WEE1: variants seen among roughly 807,000 people sequenced by gnomAD.
WEE1 encodes wee1-like protein kinase.
WEE1 carries 16 observed loss-of-function variants against 68.8 expected under a neutral mutation model. The observed-to-expected ratio is 0.23, with a 90% CI of 0.16 to 0.35. The LOEUF is 0.35. Among genes scored for constraint, WEE1 ranks in the 10% least tolerant of loss-of-function variants. The probability of loss-of-function intolerance (pLI) is 1.00; values close to 1 mark genes in which losing one functional copy is unlikely to be tolerated. For missense variants in WEE1, 651 were observed against 824.1 expected (o/e 0.79, Z 2.57); for synonymous variants, 349 against 318.7 (o/e 1.09, Z -1.01).
intron 10 of WEE1, 96 bp from the exon 11 acceptor site, chr11:9,588,353 T>C: frequency 1.3e-6 from 1 of 761,500 alleles, no homozygotes; most frequent in Non-Finnish European, 1.9e-6. Flanking sequence ...AGAATAATGA[T>C]GGCATGCAAA....
In WEE1 at chr11:9,589,458, T is replaced by C; in HGVS notation, c.*856T>C. 1.0e-6 allele frequency: 1 copy of C among 985,344 alleles called. No individual in the cohort carries two copies. Among genetic ancestry groups the C allele is most frequent in the Non-Finnish European group, 1.2e-6 (1 of 829,836 alleles). The allele number at this position is 985,344 out of a possible 1,614,324, so 61.0% of individuals were successfully genotyped here. ...GTTTTATACTTGATTGTATTATTAG[T>C]CTGTTTTTAAATGTTTTGCCCGGTT... On this transcript the variant is annotated 3_prime_UTR_variant, in exon 11 of 11. Coordinates refer to ENST00000450114, the MANE Select transcript of WEE1 (RefSeq NM_003390.4).
In WEE1 at chr11:9,576,359, T is replaced by TATGTTA. The variant is rs1849565398; in HGVS notation, c.846+69_846+74dup. ...TCTGCCACTTAAAGCATGCTATGAA[T>TATGTTA]ATGTTAATAAGCATTAACACATAAG... is the stretch of plus-strand genomic sequence containing the variant. On this transcript the variant is annotated intron_variant, in intron 3 of 10. Transcript: ENST00000450114. The surrounding 1 kb of genome is among the most constrained non-coding windows in gnomAD (Gnocchi z 4.3). 1.7e-5 allele frequency: 26 copies of TATGTTA among 1,538,658 alleles called. 1 individual carries two copies. The South Asian group carries it at 3.0e-4, about 18-fold the overall frequency.
chr11:9,585,656 T>C (rs931410892), intron 8 of WEE1, 129 bp downstream of exon 8: 10 of 778,208 alleles, frequency 1.3e-5, no homozygotes, highest in East Asian at 9.0e-5. Context: ...AACCGTCATC[T>C]GAGGGCATTT....
chr11:9,578,286 T>C (rs1208115219), intron 5 of WEE1: 1 of 169,134 alleles, frequency 5.9e-6, no homozygotes, highest in African/African-American at 2.4e-5. Context: ...TCATAACTTG[T>C]AAATAAATAA....
At position 9,575,996 on chromosome 11, in the gene WEE1, C is replaced by A. The variant is rs1444262566; in HGVS notation, c.685C>A (p.Gln229Lys). The change falls in exon 2 of 11, where the codon CAG becomes AAG. Residue 229 changes from glutamine to lysine, a missense_variant. By Grantham distance (53) the Gln-to-Lys change is moderately conservative. Around this residue, in one of 5 missense-constraint regions of WEE1, gnomAD observed 395 missense variants for 378.4 expected, o/e 1.04. Coordinates refer to ENST00000450114, the MANE Select transcript of WEE1 (RefSeq NM_003390.4). ...AGGAAAAAGGGAATTTGATGTGCGACAGACTCCTCAAGTGAATATTAATCC... is the reference window on the plus strand; with the variant it reads ...AGGAAAAAGGGAATTTGATGTGCGAAAGACTCCTCAAGTGAATATTAATCC... Reference protein sequence around the residue: ...KSGKREFDVRQTPQVNINPFT... With the variant: ...KSGKREFDVRKTPQVNINPFT... 2.5e-6 allele frequency: 4 copies of A among 1,614,118 alleles called. No individual in the cohort carries two copies. In the South Asian group the frequency reaches 4.4e-5, roughly 18 times the overall value.
chr11:9,587,200 A>T (rs185168862), intron 10 of WEE1, among the ~76,000 whole-genome samples: 1 of 152,192 alleles, frequency 6.6e-6, no homozygotes, highest in Non-Finnish European at 1.5e-5. Flanking sequence ...GGCTCAAACC[A>T]TCCACCTGTC....
Position 9,588,478 on chromosome 11 carries a change from C to T in WEE1, c.1817C>T (p.Ala606Val). 6.2e-7 allele frequency: 1 copy of T among 1,602,524 alleles called. No individual in the cohort carries two copies. The highest frequency in any genetic ancestry group is 8.5e-7 in the Non-Finnish European group (1 of 1,177,152). Residue 606 changes from alanine (A) to valine (V), a missense_variant, in exon 11 of 11, where the codon GCT becomes GTT. By Grantham distance (64) the Ala-to-Val change is moderately conservative. Coordinates refer to ENST00000450114, the MANE Select transcript of WEE1 (RefSeq NM_003390.4). The stretch of plus-strand genomic sequence containing the variant: ...CTCAAGAAAGCACAGATGGCAAAAG[C>T]TGCAGCTGAGGAAAGAGCACTCTTC... The part of the protein sequence containing the change: ...KELKKAQMAK[A>V]AAEERALFTD...
chr11:9,575,716 T>A (rs1175416027), intron 1 of WEE1, 172 bp from the exon 2 acceptor site: 8 of 626,246 alleles, frequency 1.3e-5, no homozygotes, highest in Non-Finnish European at 1.9e-5. Context: ...AATATCCAGC[T>A]TCAGTCTTCC....
Position 9,574,451 on chromosome 11 carries a change from C to T in WEE1, c.518C>T (p.Thr173Ile), listed in dbSNP as rs1849541291. ...RRSPRPDHPGTPPHKTFRKLR... is the reference protein window; with the variant it reads ...RRSPRPDHPGIPPHKTFRKLR... ...TCGCCGCGGCCGGACCACCCGGGCA[C>T]CCCGCCACACAAGACCTTCCGCAAG... is the stretch of plus-strand genomic sequence containing the variant. Residue 173 changes from threonine (T) to isoleucine (I), a missense_variant, in exon 1 of 11, where the codon ACC (threonine) becomes ATC (isoleucine). By Grantham distance (89) the Thr-to-Ile change is moderately conservative. Transcript: ENST00000450114. The surrounding 1 kb of genome is among the most constrained non-coding windows in gnomAD (Gnocchi z 4.9). 1 of 1,240,332 alleles carries T rather than the reference C, an allele frequency of 8.1e-7. No homozygotes were observed. Among genetic ancestry groups the T allele is most frequent in the South Asian group, 3.2e-5 (1 of 31,144 alleles). The allele number at this position is 1,240,332 out of a possible 1,614,324, so 76.8% of individuals were successfully genotyped here.
intron 1 of WEE1, chr11:9,575,626 T>G (rs2134339660): frequency 2.3e-6 from 1 of 441,102 alleles, no homozygotes; most frequent in South Asian, 2.9e-5. Context: ...TAGAATGAAC[T>G]TAGTTTTAGG....
chr11:9,575,864 G>T, intron 1 of WEE1, 24 bp from the exon 2 acceptor site: 2 of 1,608,836 alleles, frequency 1.2e-6, no homozygotes, highest in East Asian at 2.2e-5. Context: ...CCTAAAAATT[G>T]TATTTGTATT....
Position 9,588,744 on chromosome 11 carries a change from G to C in WEE1, c.*142G>C. On this transcript the variant is annotated 3_prime_UTR_variant, in exon 11 of 11. Coordinates refer to ENST00000450114, the MANE Select transcript of WEE1 (RefSeq NM_003390.4). ...AGGACTTTTATTGTGAATTACAGTT[G>C]AAAGCTGTATTTTGATGATTGCTAT... The C allele has an allele frequency of 6.8e-6, 9 of 1,325,816 alleles. No homozygotes were observed. The highest frequency in any genetic ancestry group is 8.7e-6 in the Non-Finnish European group (9 of 1,035,738). The allele number at this position is 1,325,816 out of a possible 1,614,324, so 82.1% of individuals were successfully genotyped here. A position where few individuals can be genotyped will look rare whatever the true frequency, so the allele number is the denominator to read the frequency against.
Position 9,574,663 on chromosome 11 carries a change from G to T in WEE1, c.576+154G>T, listed in dbSNP as rs532993393. 9 of 1,110,348 alleles carry T rather than the reference G, an allele frequency of 8.1e-6. No homozygotes were observed. The African/African-American group carries it at 1.5e-4, about 18-fold the overall frequency. 68.8% of individuals were successfully genotyped at this position (1,110,348 alleles called of 1,614,324 possible). On this transcript the variant is annotated intron_variant, in intron 1 of 10. Coordinates refer to ENST00000450114, the MANE Select transcript of WEE1 (RefSeq NM_003390.4). This position sits in a 1 kb window ranked among gnomAD's most constrained non-coding sequence, Gnocchi z 4.9. ...GTTGGCAGCCCTTGTGTTTGGCCCTGCCCCGAGGTTGTCCGTTGAGATTAT... is the reference window on the plus strand; with the variant it reads ...GTTGGCAGCCCTTGTGTTTGGCCCTTCCCCGAGGTTGTCCGTTGAGATTAT...
intron 10 of WEE1, among the ~76,000 whole-genome samples, chr11:9,587,449 T>C (rs1022332544): frequency 2.6e-5 from 4 of 152,234 alleles, no homozygotes; most frequent in Admixed American, 2.0e-4. Context: ...TAAGCGAGCC[T>C]ATACCAATCT....
Position 9,576,890 on chromosome 11 carries a change from T to C in WEE1, c.1019+231T>C, listed in dbSNP as rs1849569901. Among the ~76,000 whole-genome samples the C allele has an allele frequency of 6.6e-6, 1 of 152,230 alleles. No homozygotes were observed. Among genetic ancestry groups the C allele is most frequent in the Non-Finnish European group, 1.5e-5 (1 of 68,034 alleles). On this transcript the variant is annotated intron_variant, in intron 4 of 10. Coordinates refer to ENST00000450114, the MANE Select transcript of WEE1 (RefSeq NM_003390.4). The surrounding 1 kb of genome is among the most constrained non-coding windows in gnomAD (Gnocchi z 4.3). Reference sequence around the variant, plus strand: ...TTATTTCTAGTCAGCATCCATGAATTCACAGTAAAATGGAGTTTATTCTTA... The same window carrying C: ...TTATTTCTAGTCAGCATCCATGAATCCACAGTAAAATGGAGTTTATTCTTA...
In WEE1 at chr11:9,573,964, C is replaced by T. The variant is rs1240021878; in HGVS notation, c.31C>T (p.Pro11Ser). ...CTTCCTGAGCCGACAGCAGCCGCCGCCACCCCGCCGCGCCGGGGCGGCCTG... is the reference window on the plus strand; with the variant it reads ...CTTCCTGAGCCGACAGCAGCCGCCGTCACCCCGCCGCGCCGGGGCGGCCTG... MSFLSRQQPP[P>S]PRRAGAACTL... Residue 11 changes from proline to serine, a missense_variant, in exon 1 of 11, where the codon CCA (proline) becomes TCA (serine). This residue lies in a region of WEE1 where 395 missense variants were observed against 378.4 expected (regional missense o/e 1.04). Coordinates refer to ENST00000450114, the MANE Select transcript of WEE1 (RefSeq NM_003390.4). 3 of 1,294,782 alleles carry T rather than the reference C, an allele frequency of 2.3e-6. No individual in the cohort carries two copies. The African/African-American group carries it at 4.7e-5, about 20-fold the overall frequency. 80.2% of individuals were successfully genotyped at this position (1,294,782 alleles called of 1,614,324 possible).
At position 9,588,621 on chromosome 11, in the gene WEE1, C is replaced by A; in HGVS notation, c.*19C>A. On this transcript the variant is annotated 3_prime_UTR_variant, in exon 11 of 11. Coordinates refer to ENST00000450114, the MANE Select transcript of WEE1 (RefSeq NM_003390.4). ...ATACTGAGCTACTCCTTTCCCACCT[C>A]CCCCTGAACACTGTGACAAGAGGAA... 6.6e-7 allele frequency: 1 copy of A among 1,514,022 alleles called. No individual in the cohort carries two copies. Among genetic ancestry groups the A allele is most frequent in the Admixed American group, 2.4e-5 (1 of 42,106 alleles). The allele number at this position is 1,514,022 out of a possible 1,614,324, so 93.8% of individuals were successfully genotyped here.
Position 9,575,981 on chromosome 11 carries a change from G to C in WEE1, c.670G>C (p.Glu224Gln), listed in dbSNP as rs749503240. 8.7e-6 allele frequency: 14 copies of C among 1,614,118 alleles called. No individual in the cohort carries two copies. The highest frequency in any genetic ancestry group is 1.2e-5 in the Non-Finnish European group (14 of 1,179,988). Residue 224 changes from glutamate (E) to glutamine (Q), a missense_variant, in exon 2 of 11, where the codon GAA becomes CAA. Coordinates refer to ENST00000450114, the MANE Select transcript of WEE1 (RefSeq NM_003390.4). ...GGATACAGAAAAATCAGGAAAAAGG[G>C]AATTTGATGTGCGACAGACTCCTCA... ...FMDTEKSGKR[E>Q]FDVRQTPQVN...
At position 9,581,013 on chromosome 11, in the gene WEE1, CATCTATGCCG is replaced by C. The variant is rs150327926; in HGVS notation, c.1142-503_1142-494del. 5.0e-3 allele frequency: 763 copies of C among 152,440 alleles called. 7 individuals are homozygous for C. Among genetic ancestry groups the C allele is most frequent in the African/African-American group, 0.015 (624 of 41,512 alleles). The allele number at this position is 152,440 out of a possible 1,614,324, so 9.4% of individuals were successfully genotyped here. A position where few individuals can be genotyped will look rare whatever the true frequency, so the allele number is the denominator to read the frequency against. On this transcript the variant is annotated intron_variant, in intron 5 of 10. Transcript: ENST00000450114. ...GGCTGTAGTGCCGATCTATGTTGAG[CATCTATGCCG>C]ATCTATGCCGATCTAAGTTGAGCAT...
Sources: allele counts gnomAD v4.1 joint callset (sites outside exome capture counted in the v4.1 genomes callset), GRCh38; gene constraint gnomAD v4.1.1; regional missense constraint gnomAD v4.1.1; non-coding constraint Gnocchi (gnomAD v3.1); transcripts MANE v1.5; gene names NCBI Gene and HGNC (gene_info 2026-07-23, HGNC 2026-07-21).